The following KPNA4 variants were observed in gnomAD, a reference collection of about 807,000 sequenced individuals.
KPNA4 encodes importin subunit alpha-3.
Under a neutral mutation model 71.3 loss-of-function variants are expected in KPNA4, and 13 were observed. That is an observed-to-expected ratio of 0.18 (90% confidence interval 0.12 to 0.29). The LOEUF is 0.29. KPNA4 is among the 10% of genes least tolerant of loss of function. The pLI is 1.00. For missense variants in KPNA4, 334 were observed against 603.2 expected, an observed-to-expected ratio of 0.55 and a Z score of 4.67; for synonymous variants, 189 against 195.2, an observed-to-expected ratio of 0.97 and a Z score of 0.26.
intron 1 of KPNA4, among the ~76,000 whole-genome samples, chr3:160,553,840 A>G (rs1038197476): frequency 6.6e-6 from 1 of 152,204 alleles, no homozygotes; most frequent in South Asian, 2.1e-4. Flanking sequence ...TCCTCTTCAA[A>G]CTTAAGGTGT....
chr3:160,539,119 T>C (rs1026082621), intron 1 of KPNA4, among the ~76,000 whole-genome samples: 12 of 152,158 alleles, frequency 7.9e-5, no homozygotes, highest in African/African-American at 2.7e-4. Flanking sequence ...CTTACCTCTA[T>C]GGGAAGGCTT....
rs545075865 is a variant in KPNA4 at position 160,501,911 on chromosome 3, T to C, written c.*193A>G. On this transcript the variant is annotated 3_prime_UTR_variant, in exon 17 of 17. Coordinates refer to ENST00000334256, the MANE Select transcript of KPNA4 (RefSeq NM_002268.5). ...GCACCCACTCGCCATCTTGACCTCA[T>C]TTGGGCATTTTCTGTGATTCCAAAT... 1.6e-4 allele frequency: 39 copies of C among 237,216 alleles called. No individual in the cohort carries two copies. The highest frequency in any genetic ancestry group is 8.6e-4 in the African/African-American group (38 of 43,990). The allele number at this position is 237,216 out of a possible 1,614,324, so 14.7% of individuals were successfully genotyped here.
intron 11 of KPNA4, among the ~76,000 whole-genome samples, chr3:160,518,050 A>T (rs1261334982): frequency 1.3e-5 from 2 of 151,850 alleles, no homozygotes; most frequent in Non-Finnish European, 2.9e-5. Context: ...ATCTAGGGTC[A>T]TAAAAATTTA....
chr3:160,545,575 T>C (rs1354273902), intron 1 of KPNA4, among the ~76,000 whole-genome samples: 1 of 152,110 alleles, frequency 6.6e-6, no homozygotes, highest in African/African-American at 2.4e-5. Flanking sequence ...TGACATGCAA[T>C]GAACAAAGAG....
intron 10 of KPNA4, among the ~76,000 whole-genome samples, chr3:160,522,666 G>A (rs1200109978): frequency 6.6e-6 from 1 of 152,168 alleles, no homozygotes; most frequent in Non-Finnish European, 1.5e-5. Flanking sequence ...CACCGTGTTA[G>A]CCAAGATGGT....
At position 160,511,580 on chromosome 3, in the gene KPNA4, T is replaced by C. The variant is rs531053631; in HGVS notation, c.1138-1709A>G. Among the ~76,000 whole-genome samples the C allele has an allele frequency of 2.6e-5, 4 of 152,202 alleles. No individual in the cohort carries two copies. The South Asian group carries it at 8.3e-4, about 32-fold the overall frequency. On this transcript the variant is annotated intron_variant, in intron 13 of 16. Transcript: ENST00000334256. ...AAACAAGGAATAAAGAAGCTCTCTA[T>C]ATAGTGCTATGGGACTGACATTTTT...
At chr3:160,542,628 T>C (rs1005261515) in intron 1 of KPNA4, among the ~76,000 whole-genome samples, 1 of 152,180 alleles carries the variant, frequency 6.6e-6, no homozygotes, top group Non-Finnish European at 1.5e-5. Context: ...GATTTATTTC[T>C]CACAGGTAGC....
At chr3:160,526,263 T>TG (rs994786153) in intron 8 of KPNA4, among the ~76,000 whole-genome samples, 156 bp from the exon 9 acceptor site, 8 of 152,246 alleles carry the variant, frequency 5.3e-5, no homozygotes, top group Non-Finnish European at 1.2e-4. Flanking sequence ...TCAAGGTCTC[T>TG]GAGCCAAGAG....
intron 11 of KPNA4, among the ~76,000 whole-genome samples, chr3:160,519,394 G>A (rs1721296353): frequency 6.6e-6 from 1 of 152,082 alleles, no homozygotes; most frequent in African/African-American, 2.4e-5. Context: ...ATACTGATTT[G>A]GTAAAATTGT....
intron 1 of KPNA4, among the ~76,000 whole-genome samples, chr3:160,537,232 A>G (rs921325323): frequency 5.3e-5 from 8 of 151,408 alleles, no homozygotes; most frequent in Non-Finnish European, 1.0e-4. Flanking sequence ...AAAAAAAAAA[A>G]GCGAAAAAAA....
At chr3:160,540,038 C>T (rs1254997542) in intron 1 of KPNA4, among the ~76,000 whole-genome samples, 2 of 127,160 alleles carry the variant, frequency 1.6e-5, no homozygotes, top group African/African-American at 3.0e-5. Flanking sequence ...CTCACTTTGT[C>T]GCCCAGGCTG....
intron 1 of KPNA4, among the ~76,000 whole-genome samples, chr3:160,557,215 G>A (rs139923187): frequency 3.8e-4 from 58 of 152,260 alleles, no homozygotes; most frequent in African/African-American, 1.4e-3. Context: ...AAAAGCCAGT[G>A]TGAAGAGGAA....
chr3:160,557,586 A>G (rs889756643), intron 1 of KPNA4, among the ~76,000 whole-genome samples: 2 of 152,354 alleles, frequency 1.3e-5, no homozygotes, highest in Admixed American at 6.5e-5. Context: ...TTAAGTTTAA[A>G]GTAAATAAAA....
intron 1 of KPNA4, among the ~76,000 whole-genome samples, chr3:160,556,584 T>G (rs1722141494): frequency 6.6e-6 from 1 of 152,208 alleles, no homozygotes. Context: ...TTTTTTTGGA[T>G]TTTAGAATGT....
In KPNA4 at chr3:160,515,668, G is replaced by C. The variant is rs1285776799; in HGVS notation, c.904-88C>G. The C allele has an allele frequency of 4.9e-6, 7 of 1,428,450 alleles. No homozygotes were observed. The East Asian group carries it at 1.7e-4, about 36-fold the overall frequency. 88.5% of individuals were successfully genotyped at this position (1,428,450 alleles called of 1,614,324 possible). On this transcript the variant is annotated intron_variant, in intron 11 of 16. Coordinates refer to ENST00000334256, the MANE Select transcript of KPNA4 (RefSeq NM_002268.5). The stretch of plus-strand genomic sequence containing the variant: ...CTTGCTCTGTCGCCCAGGGTAGAGT[G>C]CAGTGGTGCGATCTCAGCTCACTGT...
intron 13 of KPNA4, among the ~76,000 whole-genome samples, chr3:160,513,579 C>A (rs925976018): frequency 2.0e-5 from 3 of 151,970 alleles, no homozygotes; most frequent in Non-Finnish European, 4.4e-5. Flanking sequence ...GCTGTAATTG[C>A]GATAAACTGT....
At chr3:160,550,177 A>G (rs1406340368) in intron 1 of KPNA4, among the ~76,000 whole-genome samples, 1 of 152,214 alleles carries the variant, frequency 6.6e-6, no homozygotes, top group Non-Finnish European at 1.5e-5. Context: ...TCTTTGTTAT[A>G]GATTTGGATG....
rs780209668 is a variant in KPNA4, at chr3:160,514,152, A to G, written c.1062T>C (p.Thr354=). The change falls in exon 13 of 17, where the codon ACT becomes ACC. Residue 354 remains threonine (T), a synonymous_variant. Coordinates refer to ENST00000334256, the MANE Select transcript of KPNA4 (RefSeq NM_002268.5). ...CCTGTACCTGCTGCTGATTTCCTGCAGTGATGTTGGAGAGGAACCACACTG... is the reference window on the plus strand; with the variant it reads ...CCTGTACCTGCTGCTGATTTCCTGCGGTGATGTTGGAGAGGAACCACACTG... ...KEAVWFLSNI[T]AGNQQQVQAV... 5 of 1,601,542 alleles carry G rather than the reference A, an allele frequency of 3.1e-6. No individual in the cohort carries two copies. Among genetic ancestry groups the G allele is most frequent in the Non-Finnish European group, 4.3e-6 (5 of 1,176,150 alleles).
chr3:160,542,330 T>C (rs1721816945), intron 1 of KPNA4, among the ~76,000 whole-genome samples: 1 of 152,222 alleles, frequency 6.6e-6, no homozygotes, highest in Non-Finnish European at 1.5e-5. Flanking sequence ...ACAGCATAAC[T>C]AGAAAAGTAT....
Sources: allele counts gnomAD v4.1 joint callset (sites outside exome capture counted in the v4.1 genomes callset), GRCh38; gene constraint gnomAD v4.1.1; transcripts MANE v1.5; gene names NCBI Gene and HGNC (gene_info 2026-07-23, HGNC 2026-07-21).